The following PARD3 variants were observed in gnomAD, a reference collection of about 807,000 sequenced individuals.
The protein encoded by PARD3 is par-3 family cell polarity regulator, also known as partitioning defective 3 homolog.
PARD3 carries 75 observed loss-of-function variants against 155.4 expected under a neutral mutation model. The ratio of observed to expected loss-of-function variants is 0.48; its 90% CI spans 0.40 to 0.58. The LOEUF (loss-of-function observed/expected upper bound fraction) is 0.58. Among genes scored for constraint, PARD3 ranks in the 20% least tolerant of loss-of-function variants. The probability of loss-of-function intolerance (pLI) is 0.00; values close to 1 mark genes in which losing one functional copy is unlikely to be tolerated. For missense variants in PARD3, 1,642 were observed against 1,721.7 expected, an observed-to-expected ratio of 0.95 and a Z score of 0.82; for synonymous variants, 576 against 610.5, an observed-to-expected ratio of 0.94 and a Z score of 0.83.
chr10:34,617,518 G>C (rs2091337901), intron 2 of PARD3, among the ~76,000 whole-genome samples: 5 of 152,176 alleles, frequency 3.3e-5, no homozygotes, highest in Admixed American at 1.3e-4. Flanking sequence ...AATGTTTGAA[G>C]TGACTGATAT....
chr10:34,797,079 A>G (rs1465721115), intron 1 of PARD3, among the ~76,000 whole-genome samples: 4 of 152,252 alleles, frequency 2.6e-5, no homozygotes, highest in African/African-American at 7.2e-5. Context: ...CCAGGAGCTT[A>G]TATTTGCCAA....
chr10:34,596,741 T>C (rs2089297964), intron 2 of PARD3, among the ~76,000 whole-genome samples: 1 of 152,112 alleles, frequency 6.6e-6, no homozygotes, highest in African/African-American at 2.4e-5. Context: ...CTAATCCAAT[T>C]CCAGGCGCTG....
intron 1 of PARD3, among the ~76,000 whole-genome samples, chr10:34,738,220 T>G (rs554810441): frequency 1.8e-4 from 27 of 152,342 alleles, no homozygotes; most frequent in African/African-American, 6.5e-4. Context: ...CATGCATGTA[T>G]GACTTTAAGG....
At chr10:34,279,963 G>A (rs1014113815) in intron 21 of PARD3, among the ~76,000 whole-genome samples, 1 of 152,040 alleles carries the variant, frequency 6.6e-6, no homozygotes, top group Admixed American at 6.6e-5. Flanking sequence ...CAGTATCCCT[G>A]GAAATGTTCC....
chr10:34,767,415 C>T (rs1646668028), intron 1 of PARD3, among the ~76,000 whole-genome samples: 1 of 152,004 alleles, frequency 6.6e-6, no homozygotes, highest in East Asian at 1.9e-4. Flanking sequence ...AGGAACACAG[C>T]TCAGGAGGTG....
At chr10:34,317,960 A>G (rs1338494531) in intron 19 of PARD3, among the ~76,000 whole-genome samples, 3 of 152,210 alleles carry the variant, frequency 2.0e-5, no homozygotes, top group Admixed American at 6.5e-5. Flanking sequence ...AAATGCTACT[A>G]TATATTCTAA....
At chr10:34,634,402 G>A (rs2092393319) in intron 2 of PARD3, among the ~76,000 whole-genome samples, 1 of 152,192 alleles carries the variant, frequency 6.6e-6, no homozygotes, top group Non-Finnish European at 1.5e-5. Flanking sequence ...GGAAAAAAAA[G>A]ATAATGTTTT....
intron 3 of PARD3, among the ~76,000 whole-genome samples, chr10:34,490,760 C>T (rs552477993): frequency 2.6e-5 from 4 of 152,294 alleles, no homozygotes; most frequent in African/African-American, 9.6e-5. Flanking sequence ...TACTTAAGAC[C>T]TCCCCATCCA....
chr10:34,179,050 G>A (rs1321181230), intron 22 of PARD3, among the ~76,000 whole-genome samples: 1 of 151,860 alleles, frequency 6.6e-6, no homozygotes, highest in Non-Finnish European at 1.5e-5. Context: ...GAGGAAGGCA[G>A]AGAAGAAAGC....
intron 1 of PARD3, among the ~76,000 whole-genome samples, chr10:34,743,902 C>G (rs538462511): frequency 6.6e-6 from 1 of 152,278 alleles, no homozygotes; most frequent in South Asian, 2.1e-4. Context: ...CCCTTCTCTG[C>G]CATATATAGC....
At chr10:34,273,218 C>T (rs1955712028) in intron 21 of PARD3, among the ~76,000 whole-genome samples, 1 of 151,944 alleles carries the variant, frequency 6.6e-6, no homozygotes, top group African/African-American at 2.4e-5. Flanking sequence ...ATATTGGGAA[C>T]ACCCAAAATA....
intron 2 of PARD3, among the ~76,000 whole-genome samples, chr10:34,601,714 T>C (rs576584859): frequency 5.9e-5 from 9 of 152,324 alleles, no homozygotes; most frequent in African/African-American, 2.2e-4. Flanking sequence ...AGTTTCCGAC[T>C]ACATTTGAAA....
At chr10:34,289,824 C>T (rs1956587947) in intron 20 of PARD3, among the ~76,000 whole-genome samples, 2 of 152,176 alleles carry the variant, frequency 1.3e-5, no homozygotes, top group African/African-American at 2.4e-5. Context: ...AATGAGATCA[C>T]TGCTGTCTGC....
intron 20 of PARD3, among the ~76,000 whole-genome samples, chr10:34,296,093 T>C (rs772889655): frequency 9.2e-5 from 14 of 152,218 alleles, no homozygotes; most frequent in Non-Finnish European, 2.1e-4. Context: ...TACTACAGTA[T>C]ACTTATCTCT....
chr10:34,652,647 T>C (rs2133068577), intron 2 of PARD3, among the ~76,000 whole-genome samples: 2 of 152,298 alleles, frequency 1.3e-5, no homozygotes, highest in Middle Eastern at 6.8e-3. Flanking sequence ...GTTTGGGGAA[T>C]GGATCACATC....
chr10:34,645,264 G>A (rs1287230308), intron 2 of PARD3, among the ~76,000 whole-genome samples: 4 of 152,000 alleles, frequency 2.6e-5, no homozygotes, highest in African/African-American at 9.7e-5. Context: ...GGAGTGCAGT[G>A]ATATGATCTC....
At chr10:34,305,536 C>T (rs1231598271) in intron 20 of PARD3, among the ~76,000 whole-genome samples, 1 of 152,236 alleles carries the variant, frequency 6.6e-6, no homozygotes, top group African/African-American at 2.4e-5. Flanking sequence ...CGTAGGCAGA[C>T]ATGAAAGGGC....
intron 21 of PARD3, 56 bp downstream of exon 21, chr10:34,284,079 A>AG (rs1387010647): frequency 7.2e-6 from 7 of 971,144 alleles, no homozygotes; most frequent in Non-Finnish European, 4.8e-6. Flanking sequence ...GAAAGTAGAA[A>AG]GAAAAAAAAA....
intron 22 of PARD3, among the ~76,000 whole-genome samples, chr10:34,262,994 C>T (rs1261538242): frequency 6.6e-6 from 1 of 152,194 alleles, no homozygotes; most frequent in Non-Finnish European, 1.5e-5. Context: ...ATGGAGAATA[C>T]TTAGGAGACC....
Sources: gnomAD v4.1 joint callset for allele counts (sites outside exome capture counted in the v4.1 genomes callset) on GRCh38, gnomAD v4.1.1 for gene constraint, MANE v1.5 for transcripts, NCBI Gene and HGNC (gene_info 2026-07-23, HGNC 2026-07-21) for gene names.